Variants in ANK3 observed in about 807,000 individuals in gnomAD.
The protein encoded by ANK3 is ankyrin 3, also known as ankyrin-3.
In ANK3, 57 loss-of-function variants were observed where a neutral mutation model predicts 370.9. The ratio of observed to expected loss-of-function variants is 0.15; its 90% CI spans 0.12 to 0.19. ANK3 has a LOEUF of 0.19. Among genes scored for constraint, ANK3 ranks in the 10% least tolerant of loss-of-function variants. The probability of loss-of-function intolerance (pLI) is 1.00; values close to 1 mark genes in which losing one functional copy is unlikely to be tolerated. For missense variants in ANK3, 4,439 were observed against 5,302.1 expected (o/e 0.84, Z 5.06); for synonymous variants, 1,929 against 1,946.3 (o/e 0.99, Z 0.23).
intron 2 of ANK3, among the ~76,000 whole-genome samples, chr10:60,600,830 GTC>G (rs1375631624): frequency 1.3e-5 from 2 of 152,112 alleles, no homozygotes; most frequent in African/African-American, 4.8e-5. Context: ...ATAATTTGCT[GTC>G]AGGTAAGTAG....
At chr10:60,451,702 T>C (rs1034066987) in intron 2 of ANK3, among the ~76,000 whole-genome samples, 1 of 152,222 alleles carries the variant, frequency 6.6e-6, no homozygotes, top group East Asian at 1.9e-4. Flanking sequence ...AAGGACTAGC[T>C]GGCATTATGG....
chr10:60,261,479 C>T (rs2097803641), intron 7 of ANK3, among the ~76,000 whole-genome samples: 1 of 152,148 alleles, frequency 6.6e-6, no homozygotes. Context: ...CAGAACATTC[C>T]CATTGTAAGG....
intron 2 of ANK3, among the ~76,000 whole-genome samples, chr10:60,549,023 G>A (rs2077032895): frequency 6.6e-6 from 1 of 152,032 alleles, no homozygotes; most frequent in East Asian, 1.9e-4. Flanking sequence ...CAATTCCCAT[G>A]GAAATTAAGT....
At position 60,204,965 on chromosome 10, in the gene ANK3, C is replaced by T. The variant is rs190414716; in HGVS notation, c.1293+827G>A. Reference sequence around the variant, plus strand: ...TGTGACACACAGAGGCAGAGACATACGGAGGCAAACAAGAGAGTGTCTAGT... The same window carrying T: ...TGTGACACACAGAGGCAGAGACATATGGAGGCAAACAAGAGAGTGTCTAGT... On this transcript the variant is annotated intron_variant, in intron 11 of 43. Coordinates refer to ENST00000280772, the MANE Select transcript of ANK3 (RefSeq NM_020987.5). Among the ~76,000 whole-genome samples the T allele has an allele frequency of 2.1e-3, 319 of 152,052 alleles. 3 individuals carry two copies. Among genetic ancestry groups the T allele is most frequent in the Non-Finnish European group, 1.5e-3 (102 of 68,008 alleles).
At chr10:60,068,032 T>G (rs2081977701) in intron 37 of ANK3, 23 bp from the exon 38 acceptor site, 2 of 1,586,842 alleles carry the variant, frequency 1.3e-6, no homozygotes, top group South Asian at 1.1e-5. Flanking sequence ...ATTTCTTAAT[T>G]AAAATAATCA....
intron 1 of ANK3, among the ~76,000 whole-genome samples, chr10:60,623,538 T>G (rs964442789): frequency 2.0e-5 from 3 of 151,950 alleles, no homozygotes; most frequent in Non-Finnish European, 4.4e-5. Context: ...AAAAAGAAAA[T>G]ATTTATAATA....
intron 1 of ANK3, among the ~76,000 whole-genome samples, chr10:60,726,371 TAAGGATATGAACAAAATGTCATAGA>T (rs984561278): frequency 1.3e-5 from 2 of 152,162 alleles, no homozygotes; most frequent in African/African-American, 4.8e-5. Context: ...GTGTCAGACA[TAAGGATATGAACAAAATGTCATAGA>T]AAGTACAAAA....
chr10:60,084,902 T>TA, intron 31 of ANK3, 72 bp from the exon 32 acceptor site: 3 of 1,172,468 alleles, frequency 2.6e-6, no homozygotes, highest in Non-Finnish European at 2.4e-6. Context: ...GACTCACAAT[T>TA]AAAAAAATCA....
chr10:60,701,137 A>G (rs1442670633), intron 1 of ANK3, among the ~76,000 whole-genome samples: 2 of 152,106 alleles, frequency 1.3e-5, no homozygotes, highest in African/African-American at 4.8e-5. Context: ...TCTTACTTAT[A>G]TGAAAAAAAG....
At chr10:60,258,175 C>T (rs2097762570) in intron 7 of ANK3, among the ~76,000 whole-genome samples, 1 of 152,174 alleles carries the variant, frequency 6.6e-6, no homozygotes. Context: ...GAATGATTTG[C>T]AAAGAGAGCA....
At chr10:60,343,373 C>T (rs1420067823) in intron 1 of ANK3, among the ~76,000 whole-genome samples, 1 of 152,048 alleles carries the variant, frequency 6.6e-6, no homozygotes, top group African/African-American at 2.4e-5. Context: ...TTACATAGTA[C>T]TCTCTAAGTT....
intron 1 of ANK3, among the ~76,000 whole-genome samples, chr10:60,673,826 G>A (rs1235234998): frequency 1.3e-5 from 2 of 152,132 alleles, no homozygotes; most frequent in Non-Finnish European, 2.9e-5. Flanking sequence ...GACTACAATG[G>A]GGGAAGGAAG....
At chr10:60,694,301 T>G (rs948832717) in intron 1 of ANK3, among the ~76,000 whole-genome samples, 1 of 151,970 alleles carries the variant, frequency 6.6e-6, no homozygotes, top group Non-Finnish European at 1.5e-5. Context: ...ACGGGGAGAA[T>G]GGAACCAAGT....
At chr10:60,276,529 G>A (rs147609338) in intron 4 of ANK3, among the ~76,000 whole-genome samples, 1 of 152,344 alleles carries the variant, frequency 6.6e-6, no homozygotes, top group African/African-American at 2.4e-5. Context: ...ATGCTTTGCT[G>A]TGCCATGTGT....
At chr10:60,656,470 G>T (rs1037337567) in intron 1 of ANK3, among the ~76,000 whole-genome samples, 2 of 151,614 alleles carry the variant, frequency 1.3e-5, no homozygotes, top group Admixed American at 6.6e-5. Flanking sequence ...TGGTTTCACT[G>T]ATTTCCCTCT....
At chr10:60,470,257 A>G (rs1350069822) in intron 2 of ANK3, among the ~76,000 whole-genome samples, 1 of 152,080 alleles carries the variant, frequency 6.6e-6, no homozygotes, top group Non-Finnish European at 1.5e-5. Flanking sequence ...TTGGATAGAA[A>G]TTCGTCATTT....
At chr10:60,664,475 G>C (rs553868537) in intron 1 of ANK3, among the ~76,000 whole-genome samples, 2 of 152,042 alleles carry the variant, frequency 1.3e-5, no homozygotes, top group South Asian at 4.2e-4. Flanking sequence ...GTTGAGAATC[G>C]GTCACCTTGA....
chr10:60,152,421 T>C lies in ANK3; in HGVS notation c.2615-13334A>G, dbSNP rs183004594. 8.5e-5 allele frequency among the ~76,000 whole-genome samples: 13 copies of C among 152,272 alleles called. 1 individual carries two copies. The highest frequency in any genetic ancestry group is 7.8e-4 in the Admixed American group (12 of 15,288). ...TCAAAAATATTTACCACTGGCTCTC[T>C]ATAGAAAAAGTCTGCTGACTCTTGA... On this transcript the variant is annotated intron_variant, in intron 23 of 43. Transcript: ENST00000280772.
chr10:60,047,733 T>C lies in ANK3; in HGVS notation c.13066-4974A>G, dbSNP rs571469460. Among the ~76,000 whole-genome samples, 7 of 152,360 alleles carry C rather than the reference T, an allele frequency of 4.6e-5. No individual in the cohort carries two copies. In the South Asian group the frequency reaches 1.4e-3, roughly 32 times the overall value. On this transcript the variant is annotated intron_variant, in intron 42 of 43. Transcript: ENST00000280772. ...AGTAAAAATTCAGTTATTTGAATTTTATGAAATTTCACAATAGTTTGGTTG... is the reference window on the plus strand; with the variant it reads ...AGTAAAAATTCAGTTATTTGAATTTCATGAAATTTCACAATAGTTTGGTTG...
Sources: gnomAD v4.1 joint callset for allele counts (sites outside exome capture counted in the v4.1 genomes callset) on GRCh38, gnomAD v4.1.1 for gene constraint, MANE v1.5 for transcripts, NCBI Gene and HGNC (gene_info 2026-07-23, HGNC 2026-07-21) for gene names.